RAB22A: variants seen among roughly 807,000 people sequenced by gnomAD.
The protein encoded by RAB22A is RAB22A, member RAS oncogene family.
In RAB22A, 13 loss-of-function variants were observed where a neutral mutation model predicts 30.2. The ratio of observed to expected loss-of-function variants is 0.43; its 90% CI spans 0.28 to 0.68. The LOEUF (loss-of-function observed/expected upper bound fraction) is 0.68. RAB22A is among the 30% of genes least tolerant of loss of function. The probability of loss-of-function intolerance (pLI) is 0.18; values close to 1 mark genes in which losing one functional copy is unlikely to be tolerated. For missense variants in RAB22A, 177 were observed against 246.8 expected (o/e 0.72, Z 1.89); for synonymous variants, 89 against 87.2 (o/e 1.02, Z -0.11).
chr20:58,322,779 AAC>A (rs1448582489), intron 2 of RAB22A, among the ~76,000 whole-genome samples: 1 of 152,178 alleles, frequency 6.6e-6, no homozygotes. Context: ...ATGAAATCAC[AAC>A]ACACTTATTT....
At chr20:58,331,196 A>G (rs1270610515) in intron 2 of RAB22A, among the ~76,000 whole-genome samples, 1 of 152,066 alleles carries the variant, frequency 6.6e-6, no homozygotes, top group Non-Finnish European at 1.5e-5. Context: ...TCCCCCCTCT[A>G]AATATTGGAA....
At position 58,326,555 on chromosome 20, in the gene RAB22A, G is replaced by A. The variant is rs918752435; in HGVS notation, c.116+15433G>A. Among the ~76,000 whole-genome samples, 9 of 152,072 alleles carry A rather than the reference G, an allele frequency of 5.9e-5. No individual in the cohort carries two copies. In the East Asian group the frequency reaches 1.5e-3, roughly 26 times the overall value. On this transcript the variant is annotated intron_variant, in intron 2 of 6. Coordinates refer to ENST00000244040, the MANE Select transcript of RAB22A (RefSeq NM_020673.3). ...CTCTTATATGGATAGACCATAATTT[G>A]TCTATTCCTCCCCCTAGTTGAGGAC...
intron 3 of RAB22A, among the ~76,000 whole-genome samples, chr20:58,347,532 A>C (rs1280470112): frequency 6.6e-6 from 1 of 152,238 alleles, no homozygotes; most frequent in Non-Finnish European, 1.5e-5. Context: ...CAAACATGAA[A>C]TGAAGGATAT....
chr20:58,328,842 A>C (rs511145), intron 2 of RAB22A, among the ~76,000 whole-genome samples: 81,016 of 151,850 alleles, frequency 0.53, 22,995 homozygotes, highest in African/African-American at 0.73. Context: ...AAAAAAAAGA[A>C]CAGGAAGAAA....
intron 2 of RAB22A, among the ~76,000 whole-genome samples, chr20:58,341,132 T>C (rs1229721607): frequency 6.6e-6 from 1 of 152,146 alleles, no homozygotes; most frequent in African/African-American, 2.4e-5. Flanking sequence ...TAGTTGAAAG[T>C]GTTGACTGGG....
At chr20:58,352,301 C>T (rs1245149254) in intron 3 of RAB22A, among the ~76,000 whole-genome samples, 3 of 152,142 alleles carry the variant, frequency 2.0e-5, no homozygotes, top group South Asian at 2.1e-4. Context: ...TATGTATGTG[C>T]ACCAAATGCT....
intron 2 of RAB22A, among the ~76,000 whole-genome samples, chr20:58,326,022 A>G (rs959209496): frequency 6.6e-6 from 1 of 152,218 alleles, no homozygotes; most frequent in African/African-American, 2.4e-5. Context: ...TTCCATACAT[A>G]CAGATTTAGA....
chr20:58,356,930 G>A (rs548941486), intron 6 of RAB22A, among the ~76,000 whole-genome samples: 2 of 152,180 alleles, frequency 1.3e-5, no homozygotes, highest in East Asian at 1.9e-4. Flanking sequence ...TAGACATTTG[G>A]GTAGCTGTTT....
chr20:58,331,566 A>G (rs1986661059), intron 2 of RAB22A, among the ~76,000 whole-genome samples: 1 of 152,128 alleles, frequency 6.6e-6, no homozygotes, highest in South Asian at 2.1e-4. Flanking sequence ...CCATTGAAAC[A>G]CCATTGTTGT....
chr20:58,322,597 CTT>C (rs1476333906), intron 2 of RAB22A, among the ~76,000 whole-genome samples: 3 of 152,096 alleles, frequency 2.0e-5, no homozygotes, highest in East Asian at 1.9e-4. Context: ...TTGTTTACCT[CTT>C]TGTTTTTATT....
intron 2 of RAB22A, among the ~76,000 whole-genome samples, chr20:58,341,895 G>C (rs75845712): frequency 0.022 from 3,410 of 152,238 alleles, 61 homozygotes; most frequent in Non-Finnish European, 0.037. Flanking sequence ...TCTGTTGGTA[G>C]GCTCCTGTTG....
chr20:58,331,821 A>G lies in RAB22A; in HGVS notation c.117-11897A>G, dbSNP rs1425650167. ...TGTCTCTTCCTAGGTGATTTCATTC[A>G]CACTCAGCACTTTGATGGCCACCTT... On this transcript the variant is annotated intron_variant, in intron 2 of 6. Coordinates refer to ENST00000244040, the MANE Select transcript of RAB22A (RefSeq NM_020673.3). Among the ~76,000 whole-genome samples, 3 of 152,104 alleles carry G rather than the reference A, an allele frequency of 2.0e-5. No individual in the cohort carries two copies. In the East Asian group the frequency reaches 5.8e-4, roughly 29 times the overall value.
chr20:58,354,356 C>A, intron 6 of RAB22A, 91 bp downstream of exon 6: 1 of 832,098 alleles, frequency 1.2e-6, no homozygotes, highest in Non-Finnish European at 1.9e-6. Flanking sequence ...TTACTTAGAG[C>A]AGTCTAGTCT....
intron 2 of RAB22A, among the ~76,000 whole-genome samples, chr20:58,332,330 G>T (rs1159030756): frequency 6.6e-6 from 1 of 152,178 alleles, no homozygotes; most frequent in Non-Finnish European, 1.5e-5. Flanking sequence ...GAACAGTTGG[G>T]CTCTTAACTG....
chr20:58,332,418 CA>C, intron 2 of RAB22A, among the ~76,000 whole-genome samples: 1 of 152,268 alleles, frequency 6.6e-6, no homozygotes, highest in East Asian at 1.9e-4. Flanking sequence ...CATAGGGTGA[CA>C]GCAGCCAAGG....
intron 2 of RAB22A, among the ~76,000 whole-genome samples, chr20:58,341,572 A>G (rs1432580426): frequency 6.6e-6 from 1 of 152,152 alleles, no homozygotes; most frequent in Admixed American, 6.5e-5. Flanking sequence ...CAGGGTAGAC[A>G]GGAAGGAGGC....
chr20:58,309,742 G>A lies in RAB22A; in HGVS notation c.-235G>A, dbSNP rs1052925736. ...GTGACGCGGCCGGCGTCCCAAGATG[G>A]CGGCGGCGGCGGCTCCCGGAAGGCC... On this transcript the variant is annotated 5_prime_UTR_variant, in exon 1 of 7. Transcript: ENST00000244040. 7.7e-4 allele frequency: 192 copies of A among 248,062 alleles called. No homozygotes were observed. The highest frequency in any genetic ancestry group is 1.1e-3 in the Non-Finnish European group (142 of 131,374). 15.4% of individuals were successfully genotyped at this position (248,062 alleles called of 1,614,324 possible).
In RAB22A at chr20:58,359,818, A is replaced by C. The variant is rs1331366927; in HGVS notation, c.*115A>C. On this transcript the variant is annotated 3_prime_UTR_variant, in exon 7 of 7. Transcript: ENST00000244040. ...AGCCAGTCTTGAGTCTTCTCCGTGC[A>C]AAAAGGATTCACAGAAATGGACCAG... is the stretch of plus-strand genomic sequence containing the variant. The C allele has an allele frequency of 3.6e-6, 3 of 839,368 alleles. No individual in the cohort carries two copies. Among genetic ancestry groups the C allele is most frequent in the Non-Finnish European group, 5.5e-6 (3 of 548,762 alleles). The allele number at this position is 839,368 out of a possible 1,614,324, so 52.0% of individuals were successfully genotyped here.
intron 3 of RAB22A, among the ~76,000 whole-genome samples, chr20:58,346,906 C>G (rs536752970): frequency 6.6e-6 from 1 of 152,316 alleles, no homozygotes; most frequent in East Asian, 1.9e-4. Context: ...TTTCATTAGA[C>G]TGTAAGCTCC....
Sources: gnomAD v4.1 joint callset for allele counts (sites outside exome capture counted in the v4.1 genomes callset) on GRCh38, gnomAD v4.1.1 for gene constraint, MANE v1.5 for transcripts, NCBI Gene and HGNC (gene_info 2026-07-23, HGNC 2026-07-21) for gene names.